Variants in ATRX observed in about 807,000 individuals in gnomAD.
ATRX encodes the protein ATRX chromatin remodeler, also known as chromatin remodeler ATRX.
A neutral mutation model predicts 172.6 loss-of-function variants in ATRX; 12 were observed. The ratio of observed to expected loss-of-function variants is 0.07; its 90% confidence interval spans 0.04 to 0.11. The LOEUF (loss-of-function observed/expected upper bound fraction) is 0.11, where lower values mean the gene tolerates loss of function less well. Ranked by LOEUF, ATRX falls within the 10% of genes least tolerant of loss-of-function variation. ATRX has a pLI of 1.00. For missense variants in ATRX, 1,368 were observed against 1,767.4 expected, an observed-to-expected ratio of 0.77 and a Z score of 4.05; for synonymous variants, 674 against 594.7, an observed-to-expected ratio of 1.13 and a Z score of -1.94.
At chrX:77,522,119 C>G in intron 32 of ATRX, 144 bp downstream of exon 32, 1 of 841,887 alleles carries the variant, frequency 1.2e-6, no homozygotes, top group East Asian at 3.2e-5. Flanking sequence ...TCAAAACGGT[C>G]AACAAATAAA....
At chrX:77,600,955 A>G (rs782155648) in intron 22 of ATRX, among the ~76,000 whole-genome samples, 1 of 111,678 alleles carries the variant, frequency 9.0e-6, no homozygotes, top group Non-Finnish European at 1.9e-5. Context: ...TATCACTAAC[A>G]CTACTATAGA....
rs45486792 is a variant in ATRX at position 77,783,926 on chromosome X, G to C, written c.20+2056C>G. Among the ~76,000 whole-genome samples, 527 of 112,031 alleles carry C rather than the reference G, an allele frequency of 4.7e-3. 1 individual carries two copies. Among genetic ancestry groups the C allele is most frequent in the African/African-American group, 0.016 (498 of 30,872 alleles). Reference sequence around the variant, plus strand: ...GACTCTCCTAGCATTAAATATTTCAGTTATCTCACTACATAGTACACCTGG... The same window carrying C: ...GACTCTCCTAGCATTAAATATTTCACTTATCTCACTACATAGTACACCTGG... On this transcript the variant is annotated intron_variant, in intron 1 of 34. Coordinates refer to ENST00000373344, the MANE Select transcript of ATRX (RefSeq NM_000489.6).
At chrX:77,706,687 G>A (rs2072841907) in intron 2 of ATRX, among the ~76,000 whole-genome samples, 1 of 110,370 alleles carries the variant, frequency 9.1e-6, no homozygotes, top group Non-Finnish European at 1.9e-5. Flanking sequence ...ATCGCCTGAG[G>A]CCAGGAGTTC....
chrX:77,760,537 G>T (rs1330125471), intron 1 of ATRX, among the ~76,000 whole-genome samples: 2 of 107,271 alleles, frequency 1.9e-5, no homozygotes, highest in African/African-American at 6.8e-5. Flanking sequence ...AAGTTAGTGG[G>T]TGCAGCACAC....
At chrX:77,643,835 C>T (rs1255409165) in intron 15 of ATRX, among the ~76,000 whole-genome samples, 1 of 111,410 alleles carries the variant, frequency 9.0e-6, no homozygotes, top group Non-Finnish European at 1.9e-5. Flanking sequence ...CTTAAGTTTT[C>T]CCCTCAGGCT....
intron 22 of ATRX, among the ~76,000 whole-genome samples, chrX:77,605,786 A>G (rs1179231887): frequency 8.9e-6 from 1 of 111,834 alleles, no homozygotes; most frequent in Non-Finnish European, 1.9e-5. Context: ...AAAGTAGAAA[A>G]GTAGAAAAGA....
chrX:77,577,391 C>T (rs2065658271), intron 27 of ATRX, among the ~76,000 whole-genome samples: 1 of 111,088 alleles, frequency 9.0e-6, no homozygotes, highest in African/African-American at 3.3e-5. Flanking sequence ...TTTTCATGTG[C>T]TTCTTGGCCA....
chrX:77,695,691 T>C (rs1299819981), intron 5 of ATRX, among the ~76,000 whole-genome samples: 1 of 111,777 alleles, frequency 8.9e-6, no homozygotes, highest in Non-Finnish European at 1.9e-5. Context: ...TTTCCTCATT[T>C]CATTTATCAC....
rs1488317410 is a variant in ATRX at position 77,684,733 on chromosome X, A to G, written c.663-140T>C. 2.3e-5 allele frequency: 18 copies of G among 787,942 alleles called. No individual in the cohort carries two copies. In the South Asian group the frequency reaches 3.6e-4, roughly 16 times the overall value. 64.9% of individuals were successfully genotyped at this position (787,942 alleles called of 1,213,427 possible). A position where few individuals can be genotyped will look rare whatever the true frequency, so the allele number is the denominator to read the frequency against. Reference sequence around the variant, plus strand: ...ATAATGCAATTTAAATTTTACTGCCAGTAATTTTAGTGGTAATTTAGGTCA... The same window carrying G: ...ATAATGCAATTTAAATTTTACTGCCGGTAATTTTAGTGGTAATTTAGGTCA... On this transcript the variant is annotated intron_variant, in intron 8 of 34. Coordinates refer to ENST00000373344, the MANE Select transcript of ATRX (RefSeq NM_000489.6).
chrX:77,690,196 C>T (rs1032721959), intron 6 of ATRX, among the ~76,000 whole-genome samples: 29 of 111,541 alleles, frequency 2.6e-4, no homozygotes, highest in Non-Finnish European at 9.4e-5. Context: ...CTACCTCAGC[C>T]TCCTGAGTAG....
chrX:77,662,897 G>A (rs913184163), intron 12 of ATRX, among the ~76,000 whole-genome samples: 1 of 109,993 alleles, frequency 9.1e-6, no homozygotes, highest in Non-Finnish European at 1.9e-5. Context: ...GGGTTTCACC[G>A]TGTTAGCCAG....
intron 27 of ATRX, among the ~76,000 whole-genome samples, chrX:77,579,527 G>C (rs1417898899): frequency 9.1e-6 from 1 of 109,898 alleles, no homozygotes; most frequent in Non-Finnish European, 1.9e-5. Flanking sequence ...AATTCTTTTG[G>C]ATCTTATACA....
intron 28 of ATRX, among the ~76,000 whole-genome samples, chrX:77,570,857 C>T (rs2065386903): frequency 9.0e-6 from 1 of 111,423 alleles, no homozygotes; most frequent in African/African-American, 3.3e-5. Context: ...CAAAACCCTA[C>T]AATAAAAAAA....
intron 31 of ATRX, 24 bp downstream of exon 31, chrX:77,523,228 A>T: frequency 8.3e-7 from 1 of 1,209,714 alleles, no homozygotes; most frequent in Non-Finnish European, 1.1e-6. Flanking sequence ...TAACAAAAAC[A>T]AAAACACATT....
chrX:77,697,573 A>G lies in ATRX; in HGVS notation c.242+10T>C. On this transcript the variant is annotated intron_variant, in intron 4 of 34. Coordinates refer to ENST00000373344, the MANE Select transcript of ATRX (RefSeq NM_000489.6). ...GAAAATAACTTTTTGTCCCTTCAAC[A>G]TCAACCAACCTCTTTGATCGTGACG... The G allele has an allele frequency of 8.3e-7, 1 of 1,209,989 alleles. No individual in the cohort carries two copies. Among genetic ancestry groups the G allele is most frequent in the East Asian group, 3.0e-5 (1 of 33,818 alleles).
chrX:77,558,241 A>C (rs188403416), intron 29 of ATRX, among the ~76,000 whole-genome samples: 23 of 111,074 alleles, frequency 2.1e-4, no homozygotes, highest in Admixed American at 2.0e-3. Context: ...TAAACTTAAC[A>C]GGAAAGAAAA....
rs190494138 is a variant in ATRX at position 77,724,949 on chromosome X, T to A, written c.21-7706A>T. 6.6e-4 allele frequency among the ~76,000 whole-genome samples: 74 copies of A among 112,137 alleles called. 1 individual carries two copies. Among genetic ancestry groups the A allele is most frequent in the African/African-American group, 2.3e-3 (70 of 30,928 alleles). ...GTATCTGAAAGGCAGCACTCATTAATCCTTTTTATATATTGAAAAATATTT... is the reference window on the plus strand; with the variant it reads ...GTATCTGAAAGGCAGCACTCATTAAACCTTTTTATATATTGAAAAATATTT... On this transcript the variant is annotated intron_variant, in intron 1 of 34. Coordinates refer to ENST00000373344, the MANE Select transcript of ATRX (RefSeq NM_000489.6).
chrX:77,758,868 T>G lies in ATRX; in HGVS notation c.20+27114A>C, dbSNP rs562632004. ...GAATATTTTTCTGCATCATTAAATA[T>G]TCTTCTAAAACATCATTTTTAGTGG... On this transcript the variant is annotated intron_variant, in intron 1 of 34. Coordinates refer to ENST00000373344, the MANE Select transcript of ATRX (RefSeq NM_000489.6). Among the ~76,000 whole-genome samples, 21 of 112,495 alleles carry G rather than the reference T, an allele frequency of 1.9e-4. No individual in the cohort carries two copies. The South Asian group carries it at 5.8e-3, about 31-fold the overall frequency.
At chrX:77,716,098 A>G (rs1265301355) in intron 2 of ATRX, among the ~76,000 whole-genome samples, 2 of 93,584 alleles carry the variant, frequency 2.1e-5, no homozygotes, top group African/African-American at 8.4e-5. Flanking sequence ...TAGCAAGACC[A>G]TGTCTCTAAA....
Sources: gnomAD v4.1 joint callset for allele counts (sites outside exome capture counted in the v4.1 genomes callset) on GRCh38, gnomAD v4.1.1 for gene constraint, MANE v1.5 for transcripts, NCBI Gene and HGNC (gene_info 2026-07-23, HGNC 2026-07-21) for gene names.